KANSL1: variants seen among roughly 807,000 people sequenced by gnomAD.
The protein encoded by KANSL1 is MLL1/MLL complex subunit KANSL1.
In KANSL1, 22 loss-of-function variants were observed where a neutral mutation model predicts 103.6. The observed-to-expected ratio is 0.21, with a 90% CI of 0.15 to 0.30. KANSL1 has a LOEUF of 0.30. KANSL1 is among the 10% of genes least tolerant of loss of function. KANSL1 has a pLI of 1.00. For synonymous variants in KANSL1, 600 were observed against 527.6 expected (o/e 1.14, Z -1.88); for missense variants, 1,337 against 1,399.8 (o/e 0.96, Z 0.72).
intron 7 of KANSL1, 105 bp from the exon 8 acceptor site, chr17:46,039,989 T>G: frequency 6.1e-6 from 6 of 991,056 alleles, no homozygotes; most frequent in Non-Finnish European, 9.3e-6. Flanking sequence ...GCCTGACACT[T>G]GGCAGGGCAA....
chr17:46,041,875 A>ATT (rs201580877), intron 7 of KANSL1: 2 of 105,264 alleles, frequency 1.9e-5, no homozygotes, highest in Non-Finnish European at 3.9e-5. Flanking sequence ...TTAGAAATTT[A>ATT]TTTTGTGTGT....
intron 1 of KANSL1, among the ~76,000 whole-genome samples, chr17:46,172,740 T>C (rs940040089): frequency 2.0e-5 from 3 of 152,238 alleles, no homozygotes; most frequent in African/African-American, 7.2e-5. Flanking sequence ...TCTCTAGAAG[T>C]ATAGATTATA....
intron 1 of KANSL1, among the ~76,000 whole-genome samples, chr17:46,175,034 T>G (rs2046452699): frequency 6.6e-6 from 1 of 152,198 alleles, no homozygotes; most frequent in African/African-American, 2.4e-5. Context: ...CAACAAATTT[T>G]AAGAGTTAAA....
chr17:46,100,261 C>A (rs1279067682), intron 2 of KANSL1, among the ~76,000 whole-genome samples: 1 of 152,036 alleles, frequency 6.6e-6, no homozygotes, highest in African/African-American at 2.4e-5. Flanking sequence ...TATGGTGAAA[C>A]CCCATCTCTA....
chr17:46,137,205 C>A (rs1288438822), intron 2 of KANSL1, among the ~76,000 whole-genome samples: 1 of 152,208 alleles, frequency 6.6e-6, no homozygotes, highest in African/African-American at 2.4e-5. Context: ...TACCTTGTCC[C>A]TTTCTACCCT....
intron 1 of KANSL1, among the ~76,000 whole-genome samples, chr17:46,176,897 G>A (rs1466508093): frequency 6.6e-6 from 1 of 152,088 alleles, no homozygotes; most frequent in Non-Finnish European, 1.5e-5. Flanking sequence ...AGAGAGTGCA[G>A]AGAACAGGAA....
chr17:46,120,020 A>G (rs2043211024), intron 2 of KANSL1: 2 of 152,188 alleles, frequency 1.3e-5, no homozygotes, highest in South Asian at 4.1e-4. Context: ...TATACTTAAA[A>G]CACACCAACA....
intron 2 of KANSL1, among the ~76,000 whole-genome samples, chr17:46,160,484 G>C (rs1009969108): frequency 6.6e-6 from 1 of 152,074 alleles, no homozygotes; most frequent in Non-Finnish European, 1.5e-5. Context: ...TGTAGAGAAG[G>C]GGTTTCGCCA....
intron 2 of KANSL1, among the ~76,000 whole-genome samples, chr17:46,112,145 T>C (rs961947313): frequency 3.2e-4 from 49 of 152,144 alleles, no homozygotes; most frequent in African/African-American, 1.1e-3. Context: ...GGTGGGTGGA[T>C]TGCCTGAGGT....
intron 2 of KANSL1, among the ~76,000 whole-genome samples, chr17:46,133,421 T>TC (rs2043964462): frequency 6.6e-6 from 1 of 152,174 alleles, no homozygotes; most frequent in African/African-American, 2.4e-5. Flanking sequence ...GATTCTTCAC[T>TC]CCAACTAGAA....
chr17:46,214,713 C>T (rs1368375026), intron 1 of KANSL1, among the ~76,000 whole-genome samples: 1 of 151,828 alleles, frequency 6.6e-6, no homozygotes, highest in Non-Finnish European at 1.5e-5. Context: ...AGCAAGTCCT[C>T]ACTCTCAAAG....
chr17:46,212,541 T>C (rs986889501), intron 1 of KANSL1, among the ~76,000 whole-genome samples: 1 of 152,188 alleles, frequency 6.6e-6, no homozygotes, highest in Non-Finnish European at 1.5e-5. Context: ...TCAAATACTA[T>C]TCCATGGTTG....
At chr17:46,034,511 C>T (rs2077095034) in intron 10 of KANSL1, 2 of 460,962 alleles carry the variant, frequency 4.3e-6, no homozygotes, top group Admixed American at 7.7e-5. Flanking sequence ...ATTCATAAGT[C>T]CCACTGGTCA....
intron 2 of KANSL1, among the ~76,000 whole-genome samples, chr17:46,098,200 C>T (rs2042162923): frequency 6.7e-6 from 1 of 150,014 alleles, no homozygotes; most frequent in South Asian, 2.1e-4. Context: ...AACTAGTTAA[C>T]CCTCGTATTT....
chr17:46,036,191 A>G (rs1025378018), intron 10 of KANSL1, among the ~76,000 whole-genome samples: 2 of 152,138 alleles, frequency 1.3e-5, no homozygotes, highest in African/African-American at 4.8e-5. Flanking sequence ...CAGGCATGCA[A>G]TATCACAGCC....
chr17:46,212,454 C>T (rs2048195287), intron 1 of KANSL1, among the ~76,000 whole-genome samples: 1 of 152,202 alleles, frequency 6.6e-6, no homozygotes. Flanking sequence ...CTCCTGACCT[C>T]ATAATCCGCC....
chr17:46,062,005 T>C lies in KANSL1; in HGVS notation c.1848+4532A>G, dbSNP rs374758562. On this transcript the variant is annotated intron_variant, in intron 6 of 14. Transcript: ENST00000432791. ...TACTCAGGAGGCTGAGGCAGGAAAATTGCTTGAACCCGGGAGGCGGAGGCT... is the reference window on the plus strand; with the variant it reads ...TACTCAGGAGGCTGAGGCAGGAAAACTGCTTGAACCCGGGAGGCGGAGGCT... 8.8e-5 allele frequency among the ~76,000 whole-genome samples: 13 copies of C among 148,122 alleles called. No individual in the cohort carries two copies. The East Asian group carries it at 1.6e-3, about 18-fold the overall frequency.
At chr17:46,183,987 C>A (rs944075930) in intron 1 of KANSL1, among the ~76,000 whole-genome samples, 1 of 152,198 alleles carries the variant, frequency 6.6e-6, no homozygotes, top group African/African-American at 2.4e-5. Context: ...ATATTCAAAA[C>A]CCATTCCCTG....
At chr17:46,137,427 C>G (rs2044202263) in intron 2 of KANSL1, among the ~76,000 whole-genome samples, 3 of 152,194 alleles carry the variant, frequency 2.0e-5, no homozygotes, top group Admixed American at 1.3e-4. Flanking sequence ...TTAGCATCCT[C>G]AAACTTAGAA....
Sources: gnomAD v4.1 joint callset for allele counts (sites outside exome capture counted in the v4.1 genomes callset) on GRCh38, gnomAD v4.1.1 for gene constraint, MANE v1.5 for transcripts, NCBI Gene and HGNC (gene_info 2026-07-23, HGNC 2026-07-21) for gene names.